The following CSMD1 variants were observed in gnomAD, a reference collection of about 807,000 sequenced individuals.
CSMD1 encodes CUB and Sushi multiple domains 1.
Under a neutral mutation model 417.5 loss-of-function variants are expected in CSMD1, and 213 were observed. The ratio of observed to expected loss-of-function variants is 0.51; its 90% CI spans 0.46 to 0.57. The LOEUF is 0.57. CSMD1 is among the 20% of genes least tolerant of loss of function. CSMD1 has a pLI of 0.00. For synonymous variants in CSMD1, 2,862 were observed against 1,736.8 expected, an observed-to-expected ratio of 1.65 and a Z score of -16.11; for missense variants, 6,923 against 4,529.7, an observed-to-expected ratio of 1.53 and a Z score of -15.17.
chr8:4,252,525 C>G (rs1314527554), intron 3 of CSMD1, among the ~76,000 whole-genome samples: 3 of 152,184 alleles, frequency 2.0e-5, no homozygotes, highest in African/African-American at 7.2e-5. Context: ...CCTCAAACAC[C>G]ATAAAATGCT....
Position 4,031,888 on chromosome 8 carries a change from C to G in CSMD1, c.610+17G>C. The G allele has an allele frequency of 6.3e-7, 1 of 1,594,210 alleles. No homozygotes were observed. Among genetic ancestry groups the G allele is most frequent in the African/African-American group, 1.3e-5 (1 of 74,576 alleles). On this transcript the variant is annotated intron_variant, in intron 4 of 69. Coordinates refer to ENST00000635120, the MANE Select transcript of CSMD1 (RefSeq NM_033225.6). ...CTGCCCTGGAGTCTGCTCACCAGCC[C>G]CCTTGTAGCACTGTACCTCTGCAAA...
At chr8:4,942,974 C>T (rs1398729416) in intron 1 of CSMD1, among the ~76,000 whole-genome samples, 1 of 152,124 alleles carries the variant, frequency 6.6e-6, no homozygotes, top group African/African-American at 2.4e-5. Flanking sequence ...CTTAAGGCAG[C>T]TTCCCAGAAA....
intron 3 of CSMD1, among the ~76,000 whole-genome samples, chr8:4,164,407 G>GCTAA (rs1027008781): frequency 1.3e-5 from 2 of 152,140 alleles, no homozygotes; most frequent in African/African-American, 4.8e-5. Context: ...GGTAAGTGAT[G>GCTAA]CTAATATCCT....
At chr8:4,440,333 G>A (rs576530945) in intron 2 of CSMD1, among the ~76,000 whole-genome samples, 2 of 152,144 alleles carry the variant, frequency 1.3e-5, no homozygotes, top group South Asian at 2.1e-4. Flanking sequence ...TAACTGGGAA[G>A]CATGTAAATA....
At chr8:3,749,299 T>C (rs1341238982) in intron 6 of CSMD1, among the ~76,000 whole-genome samples, 2 of 152,196 alleles carry the variant, frequency 1.3e-5, no homozygotes, top group Non-Finnish European at 2.9e-5. Flanking sequence ...ACAGCAGATA[T>C]TGCAAATATA....
chr8:4,830,707 G>T (rs897137809), intron 1 of CSMD1, among the ~76,000 whole-genome samples: 1 of 152,196 alleles, frequency 6.6e-6, no homozygotes, highest in African/African-American at 2.4e-5. Context: ...ACACTGTATT[G>T]CAACCCTGTG....
At chr8:2,999,892 C>T in intron 53 of CSMD1, 66 bp downstream of exon 53, 1 of 1,419,158 alleles carries the variant, frequency 7.0e-7, no homozygotes, top group Non-Finnish European at 9.7e-7. Flanking sequence ...ATATTGTGAC[C>T]TAATAACAAA....
At chr8:4,860,455 C>T (rs1275606252) in intron 1 of CSMD1, among the ~76,000 whole-genome samples, 1 of 151,850 alleles carries the variant, frequency 6.6e-6, no homozygotes, top group Non-Finnish European at 1.5e-5. Context: ...CTCTCTTGGC[C>T]CTGCTCTCGC....
chr8:4,521,264 G>T (rs577384836), intron 2 of CSMD1, among the ~76,000 whole-genome samples: 9 of 152,092 alleles, frequency 5.9e-5, no homozygotes, highest in African/African-American at 1.7e-4. Flanking sequence ...ATGGGGTCAA[G>T]ACATAGCTGT....
In CSMD1 at chr8:3,999,900, C is replaced by G. The variant is rs988847482; in HGVS notation, c.611-1790G>C. Among the ~76,000 whole-genome samples the G allele has an allele frequency of 2.6e-5, 4 of 152,150 alleles. No homozygotes were observed. In the East Asian group the frequency reaches 7.7e-4, roughly 29 times the overall value. ...GGGCTGCCCATGTTTTGTAGGACAT[C>G]TCAGGAAACTCATTTTTTAGATCCC... On this transcript the variant is annotated intron_variant, in intron 4 of 69. Coordinates refer to ENST00000635120, the MANE Select transcript of CSMD1 (RefSeq NM_033225.6).
At chr8:3,523,743 G>A (rs532822987) in intron 10 of CSMD1, among the ~76,000 whole-genome samples, 5 of 146,594 alleles carry the variant, frequency 3.4e-5, no homozygotes, top group South Asian at 4.4e-4. Flanking sequence ...AGAGACACAT[G>A]CATACACATG....
At chr8:4,143,105 T>C (rs1024542801) in intron 3 of CSMD1, among the ~76,000 whole-genome samples, 5 of 145,792 alleles carry the variant, frequency 3.4e-5, no homozygotes, top group African/African-American at 1.3e-4. Context: ...ATCTATTAAC[T>C]TGGGAAACTA....
intron 2 of CSMD1, among the ~76,000 whole-genome samples, chr8:4,430,003 A>AGTGCC (rs1797781699): frequency 6.6e-6 from 1 of 152,174 alleles, no homozygotes; most frequent in Non-Finnish European, 1.5e-5. Flanking sequence ...AGGTCTCCTT[A>AGTGCC]AGTGCCTTCC....
intron 5 of CSMD1, among the ~76,000 whole-genome samples, chr8:3,892,563 TTACTC>T (rs1333863893): frequency 3.6e-4 from 55 of 150,856 alleles, no homozygotes; most frequent in Non-Finnish European, 1.8e-4. Flanking sequence ...AATAATAAGA[TTACTC>T]TAAGTAAAAC....
At chr8:3,892,132 T>C (rs1209194993) in intron 5 of CSMD1, among the ~76,000 whole-genome samples, 2 of 97,178 alleles carry the variant, frequency 2.1e-5, no homozygotes, top group Admixed American at 1.3e-4. Context: ...TCTAAGATAA[T>C]ATCAGTAAAG....
At chr8:4,926,604 G>T (rs186866069) in intron 1 of CSMD1, among the ~76,000 whole-genome samples, 4 of 152,218 alleles carry the variant, frequency 2.6e-5, no homozygotes, top group Non-Finnish European at 4.4e-5. Context: ...AGAAAATATG[G>T]AATAAAAAGC....
chr8:3,830,359 G>A (rs975033534), intron 5 of CSMD1, among the ~76,000 whole-genome samples: 1 of 152,198 alleles, frequency 6.6e-6, no homozygotes, highest in African/African-American at 2.4e-5. Flanking sequence ...TCTCTGCTCA[G>A]AGGTTGCTTT....
rs112036588 is a variant in CSMD1 at position 3,860,498 on chromosome 8, C to T, written c.819-106456G>A. Among the ~76,000 whole-genome samples, 323 of 152,050 alleles carry T rather than the reference C, an allele frequency of 2.1e-3. 2 individuals are homozygous for T. Among genetic ancestry groups the T allele is most frequent in the Non-Finnish European group, 3.0e-3 (202 of 67,982 alleles). On this transcript the variant is annotated intron_variant, in intron 5 of 69. Coordinates refer to ENST00000635120, the MANE Select transcript of CSMD1 (RefSeq NM_033225.6). ...AGTTTTTAAAATGTACTTGAAGTTCCTTTATGCAAGGTACCTTGTACATAA... is the reference window on the plus strand; with the variant it reads ...AGTTTTTAAAATGTACTTGAAGTTCTTTTATGCAAGGTACCTTGTACATAA...
At chr8:4,686,170 T>C (rs1265848408) in intron 1 of CSMD1, among the ~76,000 whole-genome samples, 1 of 152,232 alleles carries the variant, frequency 6.6e-6, no homozygotes, top group Non-Finnish European at 1.5e-5. Flanking sequence ...AGAGAAGCAG[T>C]GCAAGGAACG....
Sources: gnomAD v4.1 joint callset for allele counts (sites outside exome capture counted in the v4.1 genomes callset) on GRCh38, gnomAD v4.1.1 for gene constraint, MANE v1.5 for transcripts, NCBI Gene and HGNC (gene_info 2026-07-23, HGNC 2026-07-21) for gene names.